Variants in ZNF226 observed in about 807,000 individuals in gnomAD.
ZNF226 encodes zinc finger protein 226.
ZNF226 carries 6 observed loss-of-function variants against 11.4 expected under a neutral mutation model. The observed-to-expected ratio is 0.53, with a 90% CI of 0.29 to 1.04. ZNF226 has a LOEUF of 1.04. Among genes scored for constraint, ZNF226 ranks in the 50% least tolerant of loss-of-function variants. The pLI, the probability that ZNF226 is intolerant of heterozygous loss-of-function variation, is 0.08. For synonymous variants in ZNF226, 350 were observed against 322.8 expected (o/e 1.08, Z -0.90); for missense variants, 1,058 against 956.5 (o/e 1.11, Z -1.40).
chr19:44,170,973 T>A (rs16978794), intron 3 of ZNF226, among the ~76,000 whole-genome samples: 5,544 of 152,126 alleles, frequency 0.036, 292 homozygotes, highest in Admixed American at 0.14. Context: ...CTTCATTGTA[T>A]GTACTTGTAA....
rs1395038098 is a variant in ZNF226 at position 44,176,616 on chromosome 19, T to C, written c.1354T>C (p.Cys452Arg). The C allele has an allele frequency of 6.2e-7, 1 of 1,613,964 alleles. No individual in the cohort carries two copies. The highest frequency in any genetic ancestry group is 8.5e-7 in the Non-Finnish European group (1 of 1,180,006). The change falls in exon 6 of 6, where the codon TGT (cysteine) becomes CGT (arginine). Residue 452 changes from cysteine (C) to arginine (R), a missense_variant. Transcript: ENST00000337433. ...TGEKPYKCEE[C>R]GKGFSRPSSL... ...AGAAAAACCCTATAAATGTGAGGAA[T>C]GTGGTAAAGGCTTTAGTCGGCCTTC...
the ZNF226 span, among the ~76,000 whole-genome samples, chr19:44,192,636 C>A: frequency 6.6e-6 from 1 of 152,124 alleles, no homozygotes; most frequent in Non-Finnish European, 1.5e-5. Flanking sequence ...ATTTGAAAAG[C>A]TTCAAAAGGA....
chr19:44,170,177 A>T, intron 3 of ZNF226, 82 bp downstream of exon 3: 4 of 1,455,992 alleles, frequency 2.7e-6, no homozygotes, highest in Non-Finnish European at 3.8e-6. Flanking sequence ...TTTTTCAAGT[A>T]AGAGTCAAGG....
chr19:44,176,000 C>T lies in ZNF226; in HGVS notation c.738C>T (p.His246=), dbSNP rs752597914. ...ILTFDHNSMI[H]TGQKSYQCNE... ...CATTTGATCACAATAGCATGATTCA[C>T]ACAGGACAGAAATCGTACCAGTGTA... Residue 246 remains histidine, a synonymous_variant, in exon 6 of 6, where the codon CAC becomes CAT. Coordinates refer to ENST00000337433, the MANE Select transcript of ZNF226 (RefSeq NM_001032373.2). 6.2e-7 allele frequency: 1 copy of T among 1,613,912 alleles called. No homozygotes were observed.
chr19:44,189,755 A>G, the ZNF226 span, among the ~76,000 whole-genome samples: 1 of 152,266 alleles, frequency 6.6e-6, no homozygotes, highest in Non-Finnish European at 1.5e-5. Flanking sequence ...TCTCATTATG[A>G]TAAAGATTGT....
chr19:44,192,470 A>G, the ZNF226 span, among the ~76,000 whole-genome samples: 3 of 149,614 alleles, frequency 2.0e-5, no homozygotes, highest in African/African-American at 7.7e-5. Flanking sequence ...AAAAGCTTCC[A>G]AAAACAAATG....
rs966051112 is a variant in ZNF226, at chr19:44,175,821, G to T, written c.559G>T (p.Asp187Tyr). The T allele has an allele frequency of 3.7e-6, 6 of 1,613,524 alleles. No individual in the cohort carries two copies. The African/African-American group carries it at 8.0e-5, about 22-fold the overall frequency. Residue 187 changes from aspartate (D) to tyrosine (Y), a missense_variant, in exon 6 of 6, where the codon GAT becomes TAT. Physicochemically the swap from Asp to Tyr is radical, Grantham distance 160. Coordinates refer to ENST00000337433, the MANE Select transcript of ZNF226 (RefSeq NM_001032373.2). ...GACTGAGTCACAGAGATTGAACAGA[G>T]ATCAGCAAATTTCCATAAAAAATAA... ...FLTESQRLNR[D>Y]QQISIKNKLC...
In ZNF226 at chr19:44,176,885, T is replaced by C; in HGVS notation, c.1623T>C (p.Ser541=). 6.2e-7 allele frequency: 1 copy of C among 1,610,138 alleles called. No homozygotes were observed. ...GTGAGATATGTGGGAAGGGCTTCAG[T>C]CAAAGTTCGTATCTTCAAATCCATC... ...YKCEICGKGF[S]QSSYLQIHQK... is the part of the protein sequence containing the mutation. Residue 541 remains serine, a synonymous_variant, in exon 6 of 6, where the codon AGT becomes AGC. Transcript: ENST00000337433.
At chr19:44,192,453 G>T in the ZNF226 span, among the ~76,000 whole-genome samples, 1 of 152,070 alleles carries the variant, frequency 6.6e-6, no homozygotes, top group East Asian at 1.9e-4. Flanking sequence ...CACTTAATCA[G>T]AGTGAAAAAA....
chr19:44,168,998 C>CTTTTTTTTTT lies in ZNF226; in HGVS notation c.-46-1018_-46-1009dup, dbSNP rs34967576. Reference sequence around the variant, plus strand: ...TATAGACTCAGGTTCCTCCCTTTTCCTTTTTTTTTTTTTTTTTTTTTTTTT... The same window carrying CTTTTTTTTTT: ...TATAGACTCAGGTTCCTCCCTTTTCCTTTTTTTTTTTTTTTTTTTTTTTTTTTTTTTTTTT... On this transcript the variant is annotated intron_variant, in intron 2 of 5. Coordinates refer to ENST00000337433, the MANE Select transcript of ZNF226 (RefSeq NM_001032373.2). 3.1e-4 allele frequency among the ~76,000 whole-genome samples: 28 copies of CTTTTTTTTTT among 90,804 alleles called. 3 individuals are homozygous for CTTTTTTTTTT. Among genetic ancestry groups the CTTTTTTTTTT allele is most frequent in the African/African-American group, 8.9e-4 (15 of 16,814 alleles). The allele number at this position is 90,804 out of a possible 152,430, so 59.6% of individuals were successfully genotyped here.
In ZNF226 at chr19:44,176,111, TG is replaced by T. The variant is rs780058176; in HGVS notation, c.850del (p.Glu284SerfsTer47). On this transcript the variant is annotated frameshift_variant, in exon 6 of 6. Coordinates refer to ENST00000337433, the MANE Select transcript of ZNF226 (RefSeq NM_001032373.2). LOFTEE classifies it low-confidence loss of function (END_TRUNC). The part of the protein sequence containing the change: ...QSGEKSLTCV[E>X]RGKGFCYSPV... Reference sequence around the variant, plus strand: ...CAGGAGAGAAGTCTCTTACATGTGTTGAGCGTGGAAAAGGCTTCTGTTACAG... The same window carrying T: ...CAGGAGAGAAGTCTCTTACATGTGTTAGCGTGGAAAAGGCTTCTGTTACAG... The T allele has an allele frequency of 2.6e-5, 42 of 1,614,076 alleles. No homozygotes were observed. Among genetic ancestry groups the T allele is most frequent in the Middle Eastern group, 3.3e-4 (2 of 6,082 alleles).
intron 2 of ZNF226, among the ~76,000 whole-genome samples, chr19:44,168,775 A>G (rs1969703060): frequency 6.6e-6 from 1 of 152,042 alleles, no homozygotes; most frequent in African/African-American, 2.4e-5. Flanking sequence ...AATGTCTGCC[A>G]GGTTACCTTT....
chr19:44,187,121 G>T, the ZNF226 span, among the ~76,000 whole-genome samples: 1 of 151,900 alleles, frequency 6.6e-6, no homozygotes, highest in African/African-American at 2.4e-5. This position sits in a 1 kb window ranked among gnomAD's most constrained non-coding sequence, Gnocchi z 4.0. Flanking sequence ...GGTTAATGAT[G>T]ACTTATAGAA....
At chr19:44,198,673 G>T in the ZNF226 span, among the ~76,000 whole-genome samples, 1 of 152,220 alleles carries the variant, frequency 6.6e-6, no homozygotes, top group Non-Finnish European at 1.5e-5. Context: ...TTTTCTGAAG[G>T]CTGCTGCTCC....
At chr19:44,184,373 G>T in the ZNF226 span, among the ~76,000 whole-genome samples, 99 of 152,050 alleles carry the variant, frequency 6.5e-4, no homozygotes, top group African/African-American at 2.3e-3. Flanking sequence ...CGAGGTCAGG[G>T]GTTCAAGACC....
the ZNF226 span, among the ~76,000 whole-genome samples, chr19:44,192,297 C>A: frequency 1.3e-5 from 2 of 151,730 alleles, no homozygotes; most frequent in Admixed American, 6.6e-5. Context: ...AGAGAGAGAG[C>A]GAGCGAGAGA....
At chr19:44,186,048 T>A in the ZNF226 span, among the ~76,000 whole-genome samples, 1 of 152,112 alleles carries the variant, frequency 6.6e-6, no homozygotes, top group Admixed American at 6.5e-5. Flanking sequence ...TTGGCACTCT[T>A]GTCAAAATCA....
chr19:44,181,109 T>G (rs1970900430), downstream of ZNF226, among the ~76,000 whole-genome samples: 2 of 152,322 alleles, frequency 1.3e-5, no homozygotes, highest in South Asian at 2.1e-4. Flanking sequence ...CCAGGTGCAG[T>G]GGCTCACACC....
At position 44,177,228 on chromosome 19, in the gene ZNF226, G is replaced by A; in HGVS notation, c.1966G>A (p.Ala656Thr). ...EECGKSFGRS[A>T]HLQAHQKVHT... ...ATGTGGGAAGAGTTTCGGTCGGAGT[G>A]CACATCTTCAAGCCCATCAAAAAGT... Residue 656 changes from alanine to threonine, a missense_variant, in exon 6 of 6, where the codon GCA becomes ACA. By Grantham distance (58) the Ala-to-Thr change is moderately conservative. Transcript: ENST00000337433. 1 of 1,612,910 alleles carries A rather than the reference G, an allele frequency of 6.2e-7. No individual in the cohort carries two copies. Among genetic ancestry groups the A allele is most frequent in the Non-Finnish European group, 8.5e-7 (1 of 1,179,664 alleles).
Sources: allele counts gnomAD v4.1 joint callset (sites outside exome capture counted in the v4.1 genomes callset), GRCh38; gene constraint gnomAD v4.1.1; non-coding constraint Gnocchi (gnomAD v3.1); transcripts MANE v1.5; gene names NCBI Gene and HGNC (gene_info 2026-07-23, HGNC 2026-07-21).